The following ATP2C1 variants were observed in gnomAD, a reference collection of about 807,000 sequenced individuals.
ATP2C1 encodes the protein calcium-transporting ATPase type 2C member 1.
Under a neutral mutation model 120.5 loss-of-function variants are expected in ATP2C1, and 31 were observed. The ratio of observed to expected loss-of-function variants is 0.26; its 90% CI spans 0.19 to 0.35. The LOEUF (loss-of-function observed/expected upper bound fraction) is 0.35, where lower values mean the gene tolerates loss of function less well. Ranked by LOEUF, ATP2C1 falls within the 10% of genes least tolerant of loss-of-function variation. The probability of loss-of-function intolerance (pLI) is 1.00; values close to 1 mark genes in which losing one functional copy is unlikely to be tolerated. For missense variants in ATP2C1, 731 were observed against 1,107.5 expected, an observed-to-expected ratio of 0.66 and a Z score of 4.83; for synonymous variants, 351 against 358.7, an observed-to-expected ratio of 0.98 and a Z score of 0.24.
intron 1 of ATP2C1, among the ~76,000 whole-genome samples, chr3:130,882,040 G>A (rs2068800307): frequency 6.6e-6 from 1 of 152,032 alleles, no homozygotes; most frequent in East Asian, 1.9e-4. Flanking sequence ...AGATGTTAAA[G>A]AACATTTCTC....
chr3:130,985,173 T>C (rs540784341), intron 20 of ATP2C1, among the ~76,000 whole-genome samples: 5 of 152,246 alleles, frequency 3.3e-5, no homozygotes, highest in Non-Finnish European at 5.9e-5. Flanking sequence ...TCATGCACTT[T>C]CGTGAAGTCA....
intron 2 of ATP2C1, among the ~76,000 whole-genome samples, chr3:130,896,954 C>T (rs1341391800): frequency 1.3e-5 from 2 of 152,164 alleles, no homozygotes; most frequent in African/African-American, 4.8e-5. Flanking sequence ...TCTGTGCTTC[C>T]GTTTCTTCAT....
intron 17 of ATP2C1, among the ~76,000 whole-genome samples, chr3:130,971,162 A>C (rs899240252): frequency 6.6e-6 from 1 of 152,210 alleles, no homozygotes; most frequent in Non-Finnish European, 1.5e-5. Context: ...ATTTCATTAC[A>C]TTTTGTAAAC....
intron 17 of ATP2C1, among the ~76,000 whole-genome samples, chr3:130,971,897 C>T (rs1200615010): frequency 3.3e-5 from 5 of 152,158 alleles, no homozygotes; most frequent in Admixed American, 3.3e-4. Context: ...GTTCTTAACA[C>T]CATTTGTCTC....
chr3:130,980,573 TTGC>T lies in ATP2C1; in HGVS notation c.1742-7_1742-5del. 6.2e-7 allele frequency: 1 copy of T among 1,608,114 alleles called. No homozygotes were observed. Among genetic ancestry groups the T allele is most frequent in the Non-Finnish European group, 8.5e-7 (1 of 1,174,908 alleles). On this transcript the variant is annotated splice_polypyrimidine_tract_variant and splice_region_variant and intron_variant, in intron 19 of 27. Transcript: ENST00000510168. ...TGGTTTATTACATTTTCTCTCTCAT[TTGC>T]TTTAGCCAGTCGTCTGGGATTGTAT...
At chr3:130,952,466 G>A (rs1015240403) in intron 8 of ATP2C1, among the ~76,000 whole-genome samples, 1 of 152,086 alleles carries the variant, frequency 6.6e-6, no homozygotes, top group African/African-American at 2.4e-5. Context: ...CATTTGAAAA[G>A]ATGTAATTTA....
At chr3:130,999,335 A>G (rs2062781602) in intron 26 of ATP2C1, among the ~76,000 whole-genome samples, 183 bp from the exon 27 acceptor site, 1 of 152,192 alleles carries the variant, frequency 6.6e-6, no homozygotes, top group African/African-American at 2.4e-5. Flanking sequence ...CTACTTTAAT[A>G]TTTACTTTTA....
At chr3:130,977,566 T>G (rs943505548) in intron 18 of ATP2C1, among the ~76,000 whole-genome samples, 2 of 152,202 alleles carry the variant, frequency 1.3e-5, no homozygotes. Flanking sequence ...TCCCTCTTTT[T>G]GTTAGTTTCT....
intron 20 of ATP2C1, among the ~76,000 whole-genome samples, chr3:130,990,272 AC>A (rs71306204): frequency 0.049 from 5,028 of 102,040 alleles, 432 homozygotes; most frequent in African/African-American, 0.15. Flanking sequence ...CTTAAGAGCA[AC>A]CCCCCCCCCC....
Position 130,894,985 on chromosome 3 carries a change from AGCTTGATTCAGCTT to A in ATP2C1, c.6+211_6+224del. On this transcript the variant is annotated intron_variant, in intron 2 of 27. Transcript: ENST00000510168. The surrounding 1 kb of genome is among the most constrained non-coding windows in gnomAD (Gnocchi z 4.5). ...GAGATTGAGGTTCTGTGGGTGACTGAGCTTGATTCAGCTTTCTTGAGGAATTCCTGCTCTCTTCA... is the reference window on the plus strand; with the variant it reads ...GAGATTGAGGTTCTGTGGGTGACTGATCTTGAGGAATTCCTGCTCTCTTCA... 6.6e-6 allele frequency among the ~76,000 whole-genome samples: 1 copy of A among 152,148 alleles called. No individual in the cohort carries two copies. Among genetic ancestry groups the A allele is most frequent in the Non-Finnish European group, 1.5e-5 (1 of 68,032 alleles).
intron 20 of ATP2C1, among the ~76,000 whole-genome samples, chr3:130,986,903 GT>G (rs11365130): frequency 2.4e-4 from 31 of 126,558 alleles, no homozygotes; most frequent in South Asian, 7.2e-4. Flanking sequence ...GTTTAGTTTA[GT>G]TTAGTTTAGT....
Position 130,980,655 on chromosome 3 carries a change from G to A in ATP2C1, c.1815G>A (p.Gln605=), listed in dbSNP as rs1420886093. Residue 605 remains glutamine (Q), a synonymous_variant, in exon 20 of 28, where the codon CAG becomes CAA. Transcript: ENST00000510168. The stretch of plus-strand genomic sequence containing the variant: ...AAGAAATAGATGCAATGGATGTTCA[G>A]CAGCTTTCACAAATAGTACCAAAGG... ...SGEEIDAMDV[Q]QLSQIVPKVA... is the part of the protein sequence containing the mutation. The A allele has an allele frequency of 6.2e-7, 1 of 1,613,090 alleles. No homozygotes were observed. The highest frequency in any genetic ancestry group is 1.1e-5 in the South Asian group (1 of 91,078).
At chr3:131,010,473 T>A (rs2063280280) in intron 26 of ATP2C1, among the ~76,000 whole-genome samples, 1 of 152,142 alleles carries the variant, frequency 6.6e-6, no homozygotes, top group African/African-American at 2.4e-5. Flanking sequence ...GGATTACAGG[T>A]GTGAGCCACC....
At chr3:130,932,217 G>A in intron 4 of ATP2C1, 79 bp downstream of exon 4, 4 of 926,400 alleles carry the variant, frequency 4.3e-6, no homozygotes, top group Non-Finnish European at 7.2e-6. Context: ...TTACTTTTGT[G>A]ATACTGTTTA....
At chr3:130,857,149 C>T (rs763686013) in intron 1 of ATP2C1, among the ~76,000 whole-genome samples, 1 of 152,126 alleles carries the variant, frequency 6.6e-6, no homozygotes, top group Non-Finnish European at 1.5e-5. Flanking sequence ...TAATGACAAC[C>T]TTTTCCTCTA....
chr3:130,963,963 G>C lies in ATP2C1; in HGVS notation c.900-8G>C. 1 of 1,612,258 alleles carries C rather than the reference G, an allele frequency of 6.2e-7. No individual in the cohort carries two copies. The highest frequency in any genetic ancestry group is 2.2e-5 in the East Asian group (1 of 44,822). ...TACATTTTAATACTTTGTATATGTT[G>C]GTTATAGTTTGGCTGTAGCAGCAAT... On this transcript the variant is annotated splice_polypyrimidine_tract_variant and splice_region_variant and intron_variant, in intron 12 of 27. Coordinates refer to ENST00000510168, the MANE Select transcript of ATP2C1 (RefSeq NM_001378687.1).
At chr3:130,901,257 C>T (rs1368104042) in intron 2 of ATP2C1, among the ~76,000 whole-genome samples, 3 of 152,058 alleles carry the variant, frequency 2.0e-5, no homozygotes, top group Non-Finnish European at 4.4e-5. Flanking sequence ...GCATCCCTCC[C>T]CACCCCAGAG....
intron 9 of ATP2C1, among the ~76,000 whole-genome samples, chr3:130,954,190 C>T (rs1390910289): frequency 4.6e-5 from 7 of 152,078 alleles, no homozygotes; most frequent in African/African-American, 1.7e-4. Flanking sequence ...AATGGATAAT[C>T]CTCAATACCT....
intron 1 of ATP2C1, among the ~76,000 whole-genome samples, chr3:130,888,627 T>C (rs981725617): frequency 1.4e-4 from 21 of 152,154 alleles, no homozygotes; most frequent in Admixed American, 1.2e-3. Flanking sequence ...CTGAGTTCAA[T>C]AGAAAGACCA....
Sources: allele counts gnomAD v4.1 joint callset (sites outside exome capture counted in the v4.1 genomes callset), GRCh38; gene constraint gnomAD v4.1.1; non-coding constraint Gnocchi (gnomAD v3.1); transcripts MANE v1.5; gene names NCBI Gene and HGNC (gene_info 2026-07-23, HGNC 2026-07-21).